PIP5K1C: variants seen among roughly 807,000 people sequenced by gnomAD.
The protein encoded by PIP5K1C is phosphatidylinositol-4-phosphate 5-kinase type 1 gamma, also known as phosphatidylinositol 4-phosphate 5-kinase type-1 gamma.
A neutral mutation model predicts 80.1 loss-of-function variants in PIP5K1C; 45 were observed. The observed-to-expected ratio is 0.56, with a 90% CI of 0.44 to 0.72. PIP5K1C has a LOEUF of 0.72. Ranked by LOEUF, PIP5K1C falls within the 30% of genes least tolerant of loss-of-function variation. The pLI, the probability that PIP5K1C is intolerant of heterozygous loss-of-function variation, is 0.00. For synonymous variants in PIP5K1C, 498 were observed against 420.1 expected (o/e 1.19, Z -2.27); for missense variants, 753 against 954.6 (o/e 0.79, Z 2.78).
chr19:3,655,752 T>G (rs1291898965), intron 6 of PIP5K1C, among the ~76,000 whole-genome samples: 1 of 152,164 alleles, frequency 6.6e-6, no homozygotes. Context: ...TCACAGGCTG[T>G]GCTGTGCTGC....
chr19:3,672,671 G>GT (rs1261138597), intron 1 of PIP5K1C: 2 of 152,444 alleles, frequency 1.3e-5, no homozygotes, highest in Non-Finnish European at 2.9e-5. Context: ...AGGCATCACA[G>GT]TGAGAGGAAA....
intron 5 of PIP5K1C, among the ~76,000 whole-genome samples, chr19:3,659,658 T>G (rs2034762402): frequency 6.7e-6 from 1 of 149,564 alleles, no homozygotes; most frequent in South Asian, 2.2e-4. Flanking sequence ...GGCTGGGCCT[T>G]GGCGACACGA....
chr19:3,691,114 G>A (rs1212818702), intron 1 of PIP5K1C, among the ~76,000 whole-genome samples: 2 of 152,202 alleles, frequency 1.3e-5, no homozygotes, highest in African/African-American at 4.8e-5. Flanking sequence ...AAACAAAGAG[G>A]AAATGCTGCG....
intron 1 of PIP5K1C, chr19:3,674,285 AGTT>A (rs1301155639): frequency 6.6e-6 from 1 of 152,254 alleles, no homozygotes; most frequent in Non-Finnish European, 1.5e-5. Flanking sequence ...GCAAATACAC[AGTT>A]GTTTGAAGCT....
intron 1 of PIP5K1C, among the ~76,000 whole-genome samples, chr19:3,690,679 G>C (rs1326896998): frequency 1.3e-5 from 2 of 152,112 alleles, no homozygotes; most frequent in Non-Finnish European, 2.9e-5. Flanking sequence ...AATCATCGTA[G>C]GAGAAGATGG....
chr19:3,661,017 G>A lies in PIP5K1C; in HGVS notation c.417C>T (p.Val139=), dbSNP rs776242608. Residue 139 remains valine (V), a synonymous_variant, in exon 5 of 18, where the codon GTC becomes GTT. Coordinates refer to ENST00000335312, the MANE Select transcript of PIP5K1C (RefSeq NM_012398.3). The part of the protein sequence containing the change: ...QDFRFKTYAP[V]AFRYFRELFG... ...AGAGCTCCCGGAAGTAGCGGAAGGC[G>A]ACAGGTGCATAGGTCTTGAAGCGGA... is the stretch of plus-strand genomic sequence containing the variant. 12 of 1,614,084 alleles carry A rather than the reference G, an allele frequency of 7.4e-6. No individual in the cohort carries two copies. The Middle Eastern group carries it at 5.0e-4, about 67-fold the overall frequency.
chr19:3,637,792 T>C lies in PIP5K1C; in HGVS notation c.1920+1092A>G. 6.5e-7 allele frequency: 1 copy of C among 1,533,968 alleles called. No homozygotes were observed. The highest frequency in any genetic ancestry group is 1.2e-5 in the South Asian group (1 of 83,994). The stretch of plus-strand genomic sequence containing the variant: ...GGGCAGGGGCAGGACCGAGGACCCT[T>C]CTCCCTTCTCTGCTGCCCACCTGGC... On this transcript the variant is annotated intron_variant, in intron 16 of 17. Coordinates refer to ENST00000335312, the MANE Select transcript of PIP5K1C (RefSeq NM_012398.3). This position sits in a 1 kb window ranked among gnomAD's most constrained non-coding sequence, Gnocchi z 7.0.
Position 3,633,471 on chromosome 19 carries a change from TG to T in PIP5K1C, c.1969del (p.Gln657ArgfsTer228). On this transcript the variant is annotated frameshift_variant, in exon 17 of 18. Transcript: ENST00000335312. LOFTEE classifies it high-confidence loss of function. ...WVYSPLHYSA[Q>X]APPASDGESD... ...CTCGCCGTCGGAGGCCGGGGGGGCC[TG>T]GGCGCTATAGTGGAGCGGGGAGTAC... is the stretch of plus-strand genomic sequence containing the variant. The T allele has an allele frequency of 6.6e-7, 1 of 1,512,340 alleles. No homozygotes were observed. Among genetic ancestry groups the T allele is most frequent in the Non-Finnish European group, 8.9e-7 (1 of 1,128,118 alleles). The allele number at this position is 1,512,340 out of a possible 1,614,324, so 93.7% of individuals were successfully genotyped here. A position where few individuals can be genotyped will look rare whatever the true frequency, so the allele number is the denominator to read the frequency against.
At chr19:3,656,173 G>A (rs974560465) in intron 6 of PIP5K1C, among the ~76,000 whole-genome samples, 8 of 152,282 alleles carry the variant, frequency 5.3e-5, no homozygotes, top group Non-Finnish European at 8.8e-5. Context: ...AGCCCTGCCC[G>A]GGGACGGCCC....
intron 1 of PIP5K1C, among the ~76,000 whole-genome samples, chr19:3,695,915 G>A (rs573995497): frequency 6.6e-6 from 1 of 152,016 alleles, no homozygotes; most frequent in Admixed American, 6.6e-5. Context: ...TTTTAGTAGA[G>A]ACAGGGGTCT....
intron 15 of PIP5K1C, among the ~76,000 whole-genome samples, chr19:3,640,139 G>A (rs1835293983): frequency 6.6e-6 from 1 of 152,142 alleles, no homozygotes; most frequent in African/African-American, 2.4e-5. Flanking sequence ...AGCATCTCAG[G>A]CAAAAATCAT....
At chr19:3,674,574 C>A (rs886262215) in intron 1 of PIP5K1C, among the ~76,000 whole-genome samples, 1 of 152,160 alleles carries the variant, frequency 6.6e-6, no homozygotes, top group African/African-American at 2.4e-5. Context: ...CAGATCTCGG[C>A]TCACTACAGC....
At chr19:3,665,051 G>T in intron 2 of PIP5K1C, 137 bp from the exon 3 acceptor site, 1 of 752,690 alleles carries the variant, frequency 1.3e-6, no homozygotes, top group Non-Finnish European at 2.3e-6. Flanking sequence ...AGGTCCAGGC[G>T]ACTCCGGGGT....
chr19:3,681,217 G>C (rs2035579432), intron 1 of PIP5K1C, among the ~76,000 whole-genome samples: 1 of 151,216 alleles, frequency 6.6e-6, no homozygotes, highest in Non-Finnish European at 1.5e-5. Context: ...ACCCGTACCT[G>C]TACCACCCTG....
At chr19:3,670,219 G>A (rs1351491824) in intron 1 of PIP5K1C, among the ~76,000 whole-genome samples, 3 of 152,184 alleles carry the variant, frequency 2.0e-5, no homozygotes, top group Non-Finnish European at 4.4e-5. Context: ...CTGAGGGTGC[G>A]GGGTTGGACG....
rs899906965 is a variant in PIP5K1C, at chr19:3,632,037, G to T, written c.*1130C>A. On this transcript the variant is annotated 3_prime_UTR_variant, in exon 18 of 18. Coordinates refer to ENST00000335312, the MANE Select transcript of PIP5K1C (RefSeq NM_012398.3). ...CCTCTGAGCGCAGCGGGCCCAGGAA[G>T]CTGCCCCAGGGCAGTCTGGGCTGAG... 4 of 152,290 alleles carry T rather than the reference G, an allele frequency of 2.6e-5. No individual in the cohort carries two copies. The highest frequency in any genetic ancestry group is 5.9e-5 in the Non-Finnish European group (4 of 68,074). 9.4% of individuals were successfully genotyped at this position (152,290 alleles called of 1,614,324 possible). A position where few individuals can be genotyped will look rare whatever the true frequency, so the allele number is the denominator to read the frequency against.
chr19:3,693,091 G>A (rs189273187), intron 1 of PIP5K1C, among the ~76,000 whole-genome samples: 1 of 152,012 alleles, frequency 6.6e-6, no homozygotes, highest in Admixed American at 6.6e-5. Flanking sequence ...TGTATGTCCT[G>A]GCCCCACTCC....
At chr19:3,677,778 G>A (rs2035412255) in intron 1 of PIP5K1C, among the ~76,000 whole-genome samples, 5 of 89,916 alleles carry the variant, frequency 5.6e-5, no homozygotes, top group South Asian at 5.0e-4. Context: ...AGGATGGAGG[G>A]ATGGAGGGAG....
At chr19:3,668,634 C>T (rs1442809926) in intron 1 of PIP5K1C, among the ~76,000 whole-genome samples, 2 of 152,324 alleles carry the variant, frequency 1.3e-5, no homozygotes, top group South Asian at 2.1e-4. Context: ...GCGATGTCAG[C>T]GACTGCAGGG....
Sources: allele counts gnomAD v4.1 joint callset (sites outside exome capture counted in the v4.1 genomes callset), GRCh38; gene constraint gnomAD v4.1.1; non-coding constraint Gnocchi (gnomAD v3.1); transcripts MANE v1.5; gene names NCBI Gene and HGNC (gene_info 2026-07-23, HGNC 2026-07-21).